Variants in FUT9 observed in about 807,000 individuals in gnomAD.
FUT9 encodes fucosyltransferase 9, also known as 4-galactosyl-N-acetylglucosaminide 3-alpha-L-fucosyltransferase 9.
In FUT9, 15 loss-of-function variants were observed where a neutral mutation model predicts 29.7. That is an observed-to-expected ratio of 0.51 (90% CI 0.34 to 0.78). The LOEUF (loss-of-function observed/expected upper bound fraction) is 0.78. Among genes scored for constraint, FUT9 ranks in the 30% least tolerant of loss-of-function variants. The pLI is 0.01. For synonymous variants in FUT9, 169 were observed against 153.7 expected, an observed-to-expected ratio of 1.10 and a Z score of -0.74; for missense variants, 319 against 425.4, an observed-to-expected ratio of 0.75 and a Z score of 2.20.
At chr6:96,066,456 TTAAC>T (rs1727241197) in intron 1 of FUT9, among the ~76,000 whole-genome samples, 1 of 152,088 alleles carries the variant, frequency 6.6e-6, no homozygotes, top group Non-Finnish European at 1.5e-5. Flanking sequence ...TGTGGCTTAT[TTAAC>T]CACAAGTATG....
chr6:96,070,702 A>C (rs1020995171), intron 1 of FUT9, among the ~76,000 whole-genome samples: 14 of 152,132 alleles, frequency 9.2e-5, no homozygotes, highest in Admixed American at 3.9e-4. Flanking sequence ...AAAATTAATT[A>C]ATTAATTTAA....
chr6:96,042,531 T>C (rs1770480259), intron 1 of FUT9, among the ~76,000 whole-genome samples: 1 of 152,238 alleles, frequency 6.6e-6, no homozygotes, highest in South Asian at 2.1e-4. Flanking sequence ...TCGTTTATTA[T>C]GCATAGTAAA....
chr6:96,126,175 G>A (rs1160164595), intron 2 of FUT9, among the ~76,000 whole-genome samples: 1 of 152,152 alleles, frequency 6.6e-6, no homozygotes, highest in Non-Finnish European at 1.5e-5. Flanking sequence ...CTGAGATAGG[G>A]TAATTGATGA....
chr6:96,053,377 A>G (rs540004927), intron 1 of FUT9, among the ~76,000 whole-genome samples: 59 of 152,328 alleles, frequency 3.9e-4, no homozygotes, highest in African/African-American at 1.3e-3. Flanking sequence ...AAAAACTCCA[A>G]CAACTGAACC....
intron 2 of FUT9, among the ~76,000 whole-genome samples, chr6:96,182,235 G>A (rs183842602): frequency 8.2e-4 from 125 of 151,876 alleles, no homozygotes; most frequent in African/African-American, 2.8e-3. Flanking sequence ...TTTGAGAATT[G>A]TCTAGTAATG....
chr6:96,150,667 G>T (rs1196492838), intron 2 of FUT9, among the ~76,000 whole-genome samples: 1 of 152,164 alleles, frequency 6.6e-6, no homozygotes, highest in African/African-American at 2.4e-5. Flanking sequence ...AGGCACAGTT[G>T]CAGTAGAGAC....
chr6:96,106,649 T>C (rs914806625), intron 1 of FUT9, among the ~76,000 whole-genome samples: 3 of 152,222 alleles, frequency 2.0e-5, no homozygotes, highest in African/African-American at 7.2e-5. Context: ...TGCATTGCAG[T>C]CTTTGGAAGC....
At chr6:96,118,260 T>G (rs1771950250) in intron 2 of FUT9, among the ~76,000 whole-genome samples, 1 of 152,048 alleles carries the variant, frequency 6.6e-6, no homozygotes, top group Non-Finnish European at 1.5e-5. Context: ...TGCTAATTTA[T>G]TTCTGTTATA....
chr6:96,165,076 TGTAA>T (rs1772990100), intron 2 of FUT9, among the ~76,000 whole-genome samples: 1 of 152,208 alleles, frequency 6.6e-6, no homozygotes, highest in African/African-American at 2.4e-5. Flanking sequence ...TTTAGAGTGA[TGTAA>T]GTCTTTGTCT....
intron 1 of FUT9, among the ~76,000 whole-genome samples, chr6:96,082,425 GTA>G (rs1771252047): frequency 6.6e-6 from 1 of 151,534 alleles, no homozygotes; most frequent in African/African-American, 2.4e-5. Context: ...ATGATCAGCA[GTA>G]TAACAAATAG....
At chr6:96,147,217 A>C (rs1439686316) in intron 2 of FUT9, among the ~76,000 whole-genome samples, 1 of 146,230 alleles carries the variant, frequency 6.8e-6, no homozygotes, top group Non-Finnish European at 1.5e-5. Context: ...GCTGGAGTGC[A>C]GTGGCCTGAT....
intron 1 of FUT9, among the ~76,000 whole-genome samples, chr6:96,028,500 A>G (rs1464327148): frequency 1.3e-5 from 2 of 151,648 alleles, no homozygotes; most frequent in African/African-American, 4.8e-5. Flanking sequence ...TCTTTTTCCT[A>G]TTACATAAAA....
intron 1 of FUT9, among the ~76,000 whole-genome samples, chr6:96,030,060 A>G (rs944357797): frequency 6.6e-6 from 1 of 151,492 alleles, no homozygotes; most frequent in Non-Finnish European, 1.5e-5. Context: ...GATGACCAGA[A>G]CTCCTCTGTC....
At chr6:96,081,231 A>T (rs554035839) in intron 1 of FUT9, among the ~76,000 whole-genome samples, 1 of 151,456 alleles carries the variant, frequency 6.6e-6, no homozygotes, top group South Asian at 2.1e-4. Flanking sequence ...GGCTCCTTAA[A>T]TGCTAATTAA....
At position 96,016,220 on chromosome 6, in the gene FUT9, G is replaced by A. The variant is rs1342128925; in HGVS notation, c.-98+8G>A. On this transcript the variant is annotated splice_region_variant and intron_variant, in intron 1 of 2. Transcript: ENST00000302103. ...GCTTTACCCCTAGGACCGGTGAGTA[G>A]GCGGGAGAGTGCAGGGGGTCGGGCG... 1 of 152,456 alleles carries A rather than the reference G, an allele frequency of 6.6e-6. No individual in the cohort carries two copies. The highest frequency in any genetic ancestry group is 2.4e-5 in the African/African-American group (1 of 41,446). The allele number at this position is 152,456 out of a possible 1,614,324, so 9.4% of individuals were successfully genotyped here.
intron 1 of FUT9, among the ~76,000 whole-genome samples, chr6:96,046,287 G>T (rs1248626303): frequency 6.6e-6 from 1 of 151,488 alleles, no homozygotes; most frequent in African/African-American, 2.4e-5. Context: ...CTGAACGTAT[G>T]CAATGCACTT....
intron 2 of FUT9, among the ~76,000 whole-genome samples, chr6:96,133,888 C>T (rs142901630): frequency 2.6e-5 from 4 of 151,656 alleles, no homozygotes; most frequent in Non-Finnish European, 4.4e-5. Context: ...TTCTAACTAT[C>T]GAATAAGGAT....
chr6:96,107,792 C>T (rs891770927), intron 1 of FUT9, among the ~76,000 whole-genome samples: 5 of 152,130 alleles, frequency 3.3e-5, no homozygotes, highest in African/African-American at 4.8e-5. Context: ...TTCTACAGAA[C>T]ATCCAACCCT....
chr6:96,115,146 C>A (rs1009510331), intron 2 of FUT9, among the ~76,000 whole-genome samples: 1 of 152,146 alleles, frequency 6.6e-6, no homozygotes, highest in African/African-American at 2.4e-5. Flanking sequence ...TATTTTATAG[C>A]AGTGCTATCT....
Sources: gnomAD v4.1 joint callset for allele counts (sites outside exome capture counted in the v4.1 genomes callset) on GRCh38, gnomAD v4.1.1 for gene constraint, MANE v1.5 for transcripts, NCBI Gene and HGNC (gene_info 2026-07-23, HGNC 2026-07-21) for gene names.